Variants in MMS19 observed in about 807,000 individuals in gnomAD.
MMS19 encodes the protein MMS19 nucleotide excision repair protein homolog.
A neutral mutation model predicts 129.8 loss-of-function variants in MMS19; 77 were observed. That is an observed-to-expected ratio of 0.59 (90% CI 0.49 to 0.72). MMS19 has a LOEUF of 0.72. Among genes scored for constraint, MMS19 ranks in the 30% least tolerant of loss-of-function variants. The probability of loss-of-function intolerance (pLI) is 0.00; values close to 1 mark genes in which losing one functional copy is unlikely to be tolerated. For missense variants in MMS19, 1,168 were observed against 1,266.3 expected (o/e 0.92, Z 1.18); for synonymous variants, 491 against 502.8 (o/e 0.98, Z 0.31).
rs749099735 is a variant in MMS19 at position 97,462,669 on chromosome 10, T to G, written c.1926A>C (p.Ser642=). Reference sequence around the variant, plus strand: ...CCTCCAATAGTACTTTTCTCAGAACTGAGGGCTCCTTCTCTGCAAAACACA... The same window carrying G: ...CCTCCAATAGTACTTTTCTCAGAACGGAGGGCTCCTTCTCTGCAAAACACA... ...VQASMPEKEP[S]VLRKVLLEDE... is the part of the protein sequence containing the mutation. The change falls in exon 20 of 31, where the codon TCA becomes TCC. Residue 642 remains serine, a synonymous_variant. Transcript: ENST00000438925. 1.4e-5 allele frequency: 22 copies of G among 1,613,696 alleles called. No homozygotes were observed. The South Asian group carries it at 2.3e-4, about 17-fold the overall frequency.
At chr10:97,460,320 G>T in intron 25 of MMS19, 88 bp from the exon 26 acceptor site, 1 of 1,279,208 alleles carries the variant, frequency 7.8e-7, no homozygotes, top group Non-Finnish European at 1.1e-6. Context: ...GGTGGCTCAT[G>T]CCTGTAATCC....
rs2275586 is a variant in MMS19, at chr10:97,481,001, G to C, written c.203C>G (p.Ala68Gly). Residue 68 changes from alanine (A) to glycine (G), a missense_variant, in exon 3 of 31, where the codon GCA becomes GGA. By Grantham distance (60) the Ala-to-Gly change is moderately conservative. Coordinates refer to ENST00000438925, the MANE Select transcript of MMS19 (RefSeq NM_022362.5). ...TAGCACCTGTGACAAAAGCTGGATTGCTCGTGCCCGAGTTCGGGGTTCTGG... is the reference window on the plus strand; with the variant it reads ...TAGCACCTGTGACAAAAGCTGGATTCCTCGTGCCCGAGTTCGGGGTTCTGG... ...ENPEPRTRAR[A>G]IQLLSQVLLH... 0.97 allele frequency: 1,563,717 copies of C among 1,609,774 alleles called. 760,040 individuals are homozygous for C. Among genetic ancestry groups the C allele is most frequent in the Admixed American group, 0.98 (58,577 of 59,520 alleles).
chr10:97,464,913 G>A (rs1217998893), intron 18 of MMS19, among the ~76,000 whole-genome samples: 1 of 152,068 alleles, frequency 6.6e-6, no homozygotes, highest in East Asian at 1.9e-4. Flanking sequence ...TGCATCGGCT[G>A]GTTAGGTCTC....
chr10:97,467,271 G>GCCC (rs767973167), intron 14 of MMS19, among the ~76,000 whole-genome samples: 9 of 152,176 alleles, frequency 5.9e-5, no homozygotes, highest in Non-Finnish European at 1.2e-4. Context: ...GAGCCACCAT[G>GCCC]CCCCGCCTCC....
At chr10:97,462,317 G>T (rs1475970796) in intron 20 of MMS19, among the ~76,000 whole-genome samples, 198 bp from the exon 21 acceptor site, 1 of 152,222 alleles carries the variant, frequency 6.6e-6, no homozygotes, top group Non-Finnish European at 1.5e-5. Context: ...TCCCATCTGG[G>T]AAGTCAAGGT....
intron 1 of MMS19, among the ~76,000 whole-genome samples, chr10:97,493,156 C>A (rs2039213102): frequency 6.6e-6 from 1 of 152,058 alleles, no homozygotes; most frequent in Non-Finnish European, 1.5e-5. Flanking sequence ...CGACTACAGG[C>A]ACACCACCAT....
intron 1 of MMS19, among the ~76,000 whole-genome samples, chr10:97,485,596 C>T (rs1032759643): frequency 2.0e-5 from 3 of 152,192 alleles, no homozygotes; most frequent in Admixed American, 6.5e-5. Context: ...CAGGCATGAG[C>T]CACTGCACCT....
chr10:97,462,726 G>C, intron 19 of MMS19, 44 bp from the exon 20 acceptor site: 2 of 1,469,308 alleles, frequency 1.4e-6, no homozygotes, highest in African/African-American at 1.4e-5. Context: ...GACCATGACG[G>C]GTTCAAGAAA....
chr10:97,461,561 C>T lies in MMS19; in HGVS notation c.2246G>A (p.Ser749Asn), dbSNP rs753526644. Reference protein sequence around the residue: ...RELLELSCCHSCPFSSTAAAK... With the variant: ...RELLELSCCHNCPFSSTAAAK... ...AGCAGCGGTGGAAGAAAAGGGGCAG[C>T]TGTGGCAGCAGCTCAGTTCCAAAAG... The change falls in exon 23 of 31, where the codon AGC becomes AAC. Residue 749 changes from serine to asparagine, a missense_variant. Around this residue, in one of 3 missense-constraint regions of MMS19, gnomAD observed 831 missense variants for 910.8 expected, o/e 0.91. Transcript: ENST00000438925. The T allele has an allele frequency of 1.2e-6, 2 of 1,602,978 alleles. No individual in the cohort carries two copies. The highest frequency in any genetic ancestry group is 1.7e-6 in the Non-Finnish European group (2 of 1,174,776).
chr10:97,488,089 A>AAAAT (rs1376864213), intron 1 of MMS19, among the ~76,000 whole-genome samples: 2 of 152,210 alleles, frequency 1.3e-5, no homozygotes, highest in East Asian at 1.9e-4. Context: ...GATCTGTCTC[A>AAAAT]AAATAAATAA....
chr10:97,492,962 G>A (rs1307533479), intron 1 of MMS19, among the ~76,000 whole-genome samples: 1 of 152,010 alleles, frequency 6.6e-6, no homozygotes, highest in South Asian at 2.1e-4. Context: ...ATATGGGCAG[G>A]GAGTTTTGGG....
At position 97,466,945 on chromosome 10, in the gene MMS19, T is replaced by C. The variant is rs1402987848; in HGVS notation, c.1298-44A>G. 3.1e-6 allele frequency: 5 copies of C among 1,610,634 alleles called. No individual in the cohort carries two copies. In the East Asian group the frequency reaches 1.1e-4, roughly 36 times the overall value. Reference sequence around the variant, plus strand: ...CCAGGTTAGAAGGAAGCCACTGCATTCCATATCCCTGACTAAGCTGTGATA... The same window carrying C: ...CCAGGTTAGAAGGAAGCCACTGCATCCCATATCCCTGACTAAGCTGTGATA... On this transcript the variant is annotated intron_variant, in intron 14 of 30. Coordinates refer to ENST00000438925, the MANE Select transcript of MMS19 (RefSeq NM_022362.5).
intron 2 of MMS19, 42 bp from the exon 3 acceptor site, chr10:97,481,084 T>A: frequency 8.4e-7 from 1 of 1,196,698 alleles, no homozygotes; most frequent in Non-Finnish European, 1.2e-6. Flanking sequence ...ATTACCCAGT[T>A]CAAATGTTTG....
intron 9 of MMS19, among the ~76,000 whole-genome samples, 188 bp downstream of exon 9, chr10:97,470,587 C>T (rs1196088388): frequency 6.6e-6 from 1 of 152,150 alleles, no homozygotes; most frequent in Non-Finnish European, 1.5e-5. Context: ...CTGAATCCAG[C>T]TCTGGATTAT....
In MMS19 at chr10:97,461,870, C is replaced by T; in HGVS notation, c.2142G>A (p.Leu714=). Residue 714 remains leucine (L), a synonymous_variant, in exon 22 of 31, where the codon CTG becomes CTA. Coordinates refer to ENST00000438925, the MANE Select transcript of MMS19 (RefSeq NM_022362.5). ...AGACAAAGGCCATAAGCAGTGCAAT[C>T]AGCCGCCTCTGCCCTGAGGAGCCAT... is the stretch of plus-strand genomic sequence containing the variant. ...FQDGSSGQRR[L]IALLMAFVCS... is the part of the protein sequence containing the mutation. The T allele has an allele frequency of 6.2e-7, 1 of 1,608,114 alleles. No individual in the cohort carries two copies.
intron 1 of MMS19, among the ~76,000 whole-genome samples, chr10:97,486,862 C>CATATATATATATGTAT (rs2037944653): frequency 1.2e-5 from 1 of 85,080 alleles, no homozygotes; most frequent in Non-Finnish European, 2.6e-5. Flanking sequence ...ATTAAAGTGC[C>CATATATATATATGTAT]ATATATATAT....
intron 18 of MMS19, among the ~76,000 whole-genome samples, 158 bp from the exon 19 acceptor site, chr10:97,464,171 TG>T (rs2032809670): frequency 6.6e-6 from 1 of 152,258 alleles, no homozygotes; most frequent in Non-Finnish European, 1.5e-5. Context: ...CTGTTCTTTC[TG>T]ATCTATTCAG....
At position 97,486,696 on chromosome 10, in the gene MMS19, C is replaced by G. The variant is rs545767685; in HGVS notation, c.113-2545G>C. ...GTAAAAGCGTTTTTTAAAACAAGCA[C>G]TAATGAAGATCTGAAAAGGAAACTT... is the stretch of plus-strand genomic sequence containing the variant. On this transcript the variant is annotated intron_variant, in intron 1 of 30. Coordinates refer to ENST00000438925, the MANE Select transcript of MMS19 (RefSeq NM_022362.5). Among the ~76,000 whole-genome samples, 11 of 151,646 alleles carry G rather than the reference C, an allele frequency of 7.3e-5. No individual in the cohort carries two copies. The South Asian group carries it at 2.1e-3, about 29-fold the overall frequency.
At chr10:97,470,299 T>TTG in intron 9 of MMS19, 96 bp from the exon 10 acceptor site, 2 of 838,288 alleles carry the variant, frequency 2.4e-6, no homozygotes, top group Non-Finnish European at 4.0e-6. Context: ...TAAAAGCAGG[T>TTG]ACTACATCAA....
Sources: gnomAD v4.1 joint callset for allele counts (sites outside exome capture counted in the v4.1 genomes callset) on GRCh38, gnomAD v4.1.1 for gene constraint, gnomAD v4.1.1 regional missense constraint, MANE v1.5 for transcripts, NCBI Gene and HGNC (gene_info 2026-07-23, HGNC 2026-07-21) for gene names.